Variants in CPNE4 observed in about 807,000 individuals in gnomAD.
The protein encoded by CPNE4 is copine-4.
In CPNE4, 25 loss-of-function variants were observed where a neutral mutation model predicts 67.9. The observed-to-expected ratio is 0.37, with a 90% CI of 0.27 to 0.51. The LOEUF (loss-of-function observed/expected upper bound fraction) is 0.51, where lower values mean the gene tolerates loss of function less well. Ranked by LOEUF, CPNE4 falls within the 20% of genes least tolerant of loss-of-function variation. The probability of loss-of-function intolerance (pLI) is 0.93; values close to 1 mark genes in which losing one functional copy is unlikely to be tolerated. For synonymous variants in CPNE4, 242 were observed against 244.9 expected (o/e 0.99, Z 0.11); for missense variants, 464 against 690.8 (o/e 0.67, Z 3.68).
chr3:131,936,570 T>C (rs1020875558), intron 1 of CPNE4, among the ~76,000 whole-genome samples: 1 of 152,032 alleles, frequency 6.6e-6, no homozygotes, highest in African/African-American at 2.4e-5. Flanking sequence ...AAAATCAAAC[T>C]TTTGCTCACT....
chr3:132,009,782 G>T (rs74671256), intron 1 of CPNE4, among the ~76,000 whole-genome samples: 1 of 152,168 alleles, frequency 6.6e-6, no homozygotes, highest in South Asian at 2.1e-4. Context: ...TTGTCCCCTG[G>T]GGGTATTTGG....
At chr3:131,842,664 G>C (rs1048342443) in intron 2 of CPNE4, among the ~76,000 whole-genome samples, 2 of 149,434 alleles carry the variant, frequency 1.3e-5, no homozygotes, top group Non-Finnish European at 2.9e-5. Flanking sequence ...ACCTCCAACA[G>C]GCAAGCTAAG....
At chr3:131,544,893 G>A (rs561103149) in intron 14 of CPNE4, among the ~76,000 whole-genome samples, 2 of 152,248 alleles carry the variant, frequency 1.3e-5, no homozygotes, top group Admixed American at 1.3e-4. Flanking sequence ...TGTCTGATCT[G>A]ATCTTAGAGT....
At chr3:131,841,489 G>A (rs1410818794) in intron 2 of CPNE4, among the ~76,000 whole-genome samples, 1 of 152,142 alleles carries the variant, frequency 6.6e-6, no homozygotes, top group Admixed American at 6.5e-5. Flanking sequence ...CAAATCAGTG[G>A]CGGCATTAGA....
At chr3:131,883,067 C>G (rs1334059218) in intron 2 of CPNE4, among the ~76,000 whole-genome samples, 1 of 152,098 alleles carries the variant, frequency 6.6e-6, no homozygotes, top group Admixed American at 6.5e-5. Flanking sequence ...TTGCACCAAC[C>G]TAAATAGATG....
At chr3:131,871,983 A>T (rs1242499336) in intron 2 of CPNE4, among the ~76,000 whole-genome samples, 7 of 152,120 alleles carry the variant, frequency 4.6e-5, no homozygotes, top group Non-Finnish European at 8.8e-5. Flanking sequence ...CCTGCCCCAC[A>T]TATCCTTCTT....
chr3:131,661,617 T>G (rs1345914670), intron 7 of CPNE4, among the ~76,000 whole-genome samples: 1 of 152,126 alleles, frequency 6.6e-6, no homozygotes, highest in African/African-American at 2.4e-5. Flanking sequence ...TGCAATCAGA[T>G]AAGTTCCAGG....
intron 2 of CPNE4, among the ~76,000 whole-genome samples, chr3:131,823,800 G>A (rs1453169106): frequency 1.3e-5 from 2 of 152,150 alleles, no homozygotes; most frequent in Non-Finnish European, 2.9e-5. Context: ...CTAATATTAA[G>A]TGTAGCAAGC....
At chr3:131,999,200 C>A (rs1180622234) in intron 1 of CPNE4, among the ~76,000 whole-genome samples, 1 of 135,936 alleles carries the variant, frequency 7.4e-6, no homozygotes, top group Non-Finnish European at 1.5e-5. Context: ...GGCAGTGCAC[C>A]CTCTGTCTCA....
chr3:131,893,447 G>C (rs570253138), intron 2 of CPNE4, among the ~76,000 whole-genome samples: 26 of 152,042 alleles, frequency 1.7e-4, no homozygotes, highest in African/African-American at 6.3e-4. Context: ...ATAAATATCA[G>C]ACTTCTACTG....
At chr3:131,822,822 C>T (rs543996187) in intron 2 of CPNE4, among the ~76,000 whole-genome samples, 5 of 152,174 alleles carry the variant, frequency 3.3e-5, no homozygotes, top group Non-Finnish European at 7.4e-5. Context: ...ATGTACACTT[C>T]TTTCCTTTTT....
At chr3:131,864,712 T>C (rs1256173015) in intron 2 of CPNE4, among the ~76,000 whole-genome samples, 1 of 152,020 alleles carries the variant, frequency 6.6e-6, no homozygotes, top group Non-Finnish European at 1.5e-5. Flanking sequence ...TTCTCCTGCT[T>C]GATTGCCCTG....
chr3:131,713,072 G>A (rs2081597661), intron 3 of CPNE4, among the ~76,000 whole-genome samples: 1 of 152,014 alleles, frequency 6.6e-6, no homozygotes, highest in Admixed American at 6.5e-5. Context: ...TGGGGGCTGG[G>A]TGCCCTGCAC....
chr3:131,737,316 G>T (rs1199216168), intron 2 of CPNE4, among the ~76,000 whole-genome samples: 1 of 151,332 alleles, frequency 6.6e-6, no homozygotes, highest in African/African-American at 2.4e-5. Flanking sequence ...TGGAGATGGG[G>T]TTTCACCATG....
chr3:131,574,474 G>A (rs1453964878), intron 10 of CPNE4, among the ~76,000 whole-genome samples: 3 of 152,044 alleles, frequency 2.0e-5, no homozygotes, highest in Non-Finnish European at 4.4e-5. Context: ...TAAATCCCAA[G>A]GGCACACAAA....
intron 2 of CPNE4, among the ~76,000 whole-genome samples, chr3:131,879,862 T>A (rs2087603949): frequency 6.6e-6 from 1 of 152,152 alleles, no homozygotes; most frequent in South Asian, 2.1e-4. Flanking sequence ...ACAGTGTTAT[T>A]CTCTACCTTA....
upstream of CPNE4, among the ~76,000 whole-genome samples, chr3:132,036,703 A>C (rs1179421645): frequency 6.6e-6 from 1 of 152,240 alleles, no homozygotes; most frequent in Admixed American, 6.5e-5. Context: ...TATGAAGGCA[A>C]GGGATATGTC....
At chr3:131,874,116 T>C (rs1386015261) in intron 2 of CPNE4, among the ~76,000 whole-genome samples, 1 of 150,340 alleles carries the variant, frequency 6.7e-6, no homozygotes, top group Non-Finnish European at 1.5e-5. Context: ...TGAGACGGAA[T>C]TTCGCTCTGT....
chr3:131,953,513 A>T (rs1316035516), intron 1 of CPNE4, among the ~76,000 whole-genome samples: 1 of 152,192 alleles, frequency 6.6e-6, no homozygotes, highest in East Asian at 1.9e-4. Context: ...GATAGGATAT[A>T]TCATATATAT....
Sources: allele counts gnomAD v4.1 joint callset (sites outside exome capture counted in the v4.1 genomes callset), GRCh38; gene constraint gnomAD v4.1.1; transcripts MANE v1.5; gene names NCBI Gene and HGNC (gene_info 2026-07-23, HGNC 2026-07-21).